CDH9: variants seen among roughly 807,000 people sequenced by gnomAD.
The protein encoded by CDH9 is cadherin 9, also known as cadherin-9.
In CDH9, 28 loss-of-function variants were observed where a neutral mutation model predicts 70.9. The observed-to-expected ratio is 0.40, with a 90% CI of 0.29 to 0.54. The LOEUF (loss-of-function observed/expected upper bound fraction) is 0.54. Among genes scored for constraint, CDH9 ranks in the 20% least tolerant of loss-of-function variants. The pLI is 0.59. For missense variants in CDH9, 874 were observed against 984.4 expected, an observed-to-expected ratio of 0.89 and a Z score of 1.50; for synonymous variants, 409 against 343.1, an observed-to-expected ratio of 1.19 and a Z score of -2.12.
chr5:26,905,896 T>G (rs991975251), intron 5 of CDH9, 63 bp downstream of exon 5: 1 of 1,239,982 alleles, frequency 8.1e-7, no homozygotes. Flanking sequence ...ATGTGAATAT[T>G]AAACTCGGCT....
intron 1 of CDH9, among the ~76,000 whole-genome samples, chr5:26,996,779 G>T (rs1742673805): frequency 6.6e-6 from 1 of 150,926 alleles, no homozygotes; most frequent in African/African-American, 2.4e-5. Context: ...TTTATATATA[G>T]ATATAGATAT....
chr5:26,944,003 CACA>C (rs1287945714), intron 2 of CDH9, among the ~76,000 whole-genome samples: 5 of 152,136 alleles, frequency 3.3e-5, no homozygotes, highest in African/African-American at 2.4e-5. Context: ...TATTCTAATT[CACA>C]ACAATTGCAT....
At chr5:26,890,393 G>A (rs1319543512) in intron 8 of CDH9, 35 bp downstream of exon 8, 1 of 1,592,198 alleles carries the variant, frequency 6.3e-7, no homozygotes, top group Non-Finnish European at 8.6e-7. Context: ...TTTGATGAAA[G>A]ACAGTGTCTT....
At position 26,885,786 on chromosome 5, in the gene CDH9, G is replaced by T. The variant is rs772941002; in HGVS notation, c.1710C>A (p.Ile570=). 7 of 1,613,802 alleles carry T rather than the reference G, an allele frequency of 4.3e-6. No individual in the cohort carries two copies. The highest frequency in any genetic ancestry group is 1.3e-5 in the African/African-American group (1 of 74,902). The change falls in exon 11 of 12, where the codon ATC becomes ATA. Residue 570 remains isoleucine (I), a synonymous_variant. Coordinates refer to ENST00000231021, the MANE Select transcript of CDH9 (RefSeq NM_016279.4). ...KMSTYLLPIL[I]FDNDYPIQSS... Reference sequence around the variant, plus strand: ...TTTGAATTGGATAATCGTTGTCAAAGATTAAAATCGGCAATAAGTAGGTGC... The same window carrying T: ...TTTGAATTGGATAATCGTTGTCAAATATTAAAATCGGCAATAAGTAGGTGC...
At chr5:27,035,936 T>C (rs553928922) in intron 1 of CDH9, among the ~76,000 whole-genome samples, 11 of 152,008 alleles carry the variant, frequency 7.2e-5, no homozygotes, top group African/African-American at 2.2e-4. Flanking sequence ...TTTACTTTCA[T>C]AGAGAACAAG....
rs151183666 is a variant in CDH9, at chr5:26,893,890, A to C, written c.1254-3326T>G. Among the ~76,000 whole-genome samples the C allele has an allele frequency of 4.2e-3, 646 of 152,194 alleles. 3 individuals carry two copies. The highest frequency in any genetic ancestry group is 0.015 in the African/African-American group (626 of 41,534). ...CATGAAACAAAATATTATGTTTCCT[A>C]CCTATAGGTTTCAACCCTTTCACAA... On this transcript the variant is annotated intron_variant, in intron 7 of 11. Transcript: ENST00000231021.
chr5:26,964,045 T>A (rs1319687520), intron 2 of CDH9, among the ~76,000 whole-genome samples: 1 of 152,042 alleles, frequency 6.6e-6, no homozygotes, highest in African/African-American at 2.4e-5. Flanking sequence ...GTGCTCATGT[T>A]AAATATAATA....
intron 7 of CDH9, among the ~76,000 whole-genome samples, chr5:26,893,794 A>G (rs1186357451): frequency 2.0e-5 from 3 of 152,102 alleles, no homozygotes; most frequent in Non-Finnish European, 2.9e-5. Context: ...GCAAAATAAC[A>G]ATGTAGTAAA....
intron 2 of CDH9, among the ~76,000 whole-genome samples, chr5:26,918,123 A>G (rs1383242695): frequency 1.3e-5 from 2 of 152,148 alleles, no homozygotes; most frequent in African/African-American, 2.4e-5. Context: ...CCCTCTTGCT[A>G]TACATTCTAT....
chr5:27,014,572 ACTAT>A (rs887861002), intron 1 of CDH9, among the ~76,000 whole-genome samples: 3 of 151,926 alleles, frequency 2.0e-5, no homozygotes, highest in Non-Finnish European at 2.9e-5. Context: ...CTTTCTAAAA[ACTAT>A]CTATGATAGA....
chr5:26,980,437 G>A (rs1347601609), intron 2 of CDH9, among the ~76,000 whole-genome samples: 1 of 151,704 alleles, frequency 6.6e-6, no homozygotes, highest in Non-Finnish European at 1.5e-5. Flanking sequence ...TCTATCTAAA[G>A]TGACCCCAAT....
At chr5:26,968,604 C>T (rs1003164811) in intron 2 of CDH9, among the ~76,000 whole-genome samples, 3 of 151,724 alleles carry the variant, frequency 2.0e-5, no homozygotes, top group Non-Finnish European at 2.9e-5. Context: ...AAATGGCAAG[C>T]CAAATGGGTG....
chr5:26,919,863 C>T (rs1341884792), intron 2 of CDH9, among the ~76,000 whole-genome samples: 1 of 152,038 alleles, frequency 6.6e-6, no homozygotes, highest in African/African-American at 2.4e-5. Context: ...TAAAGGAGCC[C>T]CTGGACCCTG....
intron 1 of CDH9, 105 bp downstream of exon 1, chr5:27,038,358 G>C (rs1272661277): frequency 4.0e-5 from 6 of 151,894 alleles, no homozygotes; most frequent in Non-Finnish European, 5.9e-5. Flanking sequence ...GAGAGAGAGA[G>C]AGCAAAATAT....
rs796103288 is a variant in CDH9, at chr5:27,025,768, C to T, written c.-50+12695G>A. On this transcript the variant is annotated intron_variant, in intron 1 of 11. Transcript: ENST00000231021. ...CTAGAACAACAGGTTCTTATTCTCT[C>T]GTGCCTCCATGAAGAATAGAACCTC... Among the ~76,000 whole-genome samples, 6 of 152,118 alleles carry T rather than the reference C, an allele frequency of 3.9e-5. 2 individuals are homozygous for T. The highest frequency in any genetic ancestry group is 1.4e-4 in the African/African-American group (6 of 41,544).
rs1434365999 is a variant in CDH9, at chr5:26,906,054, T to C, written c.716A>G (p.Lys239Arg). The C allele has an allele frequency of 1.2e-6, 2 of 1,613,616 alleles. No individual in the cohort carries two copies. The highest frequency in any genetic ancestry group is 1.7e-6 in the Non-Finnish European group (2 of 1,179,536). Residue 239 changes from lysine to arginine, a missense_variant, in exon 5 of 12, where the codon AAA becomes AGA. Lys to Arg is a conservative substitution (Grantham distance 26, BLOSUM62 2). Coordinates refer to ENST00000231021, the MANE Select transcript of CDH9 (RefSeq NM_016279.4). Reference sequence around the variant, plus strand: ...GCCTCCCATCTGGCCACCCATGTCTTTGGCCTGTATAACAACCTGGTACTG... The same window carrying C: ...GCCTCCCATCTGGCCACCCATGTCTCTGGCCTGTATAACAACCTGGTACTG... ...REQYQVVIQA[K>R]DMGGQMGGLS... is the part of the protein sequence containing the mutation.
In CDH9 at chr5:26,955,274, T is replaced by C. The variant is rs572312048; in HGVS notation, c.228+32832A>G. Reference sequence around the variant, plus strand: ...CAATCATGAGAATCCCTTATTTATGTCCTGGATAAATTTCCTACTGGTTCT... The same window carrying C: ...CAATCATGAGAATCCCTTATTTATGCCCTGGATAAATTTCCTACTGGTTCT... On this transcript the variant is annotated intron_variant, in intron 2 of 11. Coordinates refer to ENST00000231021, the MANE Select transcript of CDH9 (RefSeq NM_016279.4). Among the ~76,000 whole-genome samples, 3 of 152,354 alleles carry C rather than the reference T, an allele frequency of 2.0e-5. No individual in the cohort carries two copies. The East Asian group carries it at 5.8e-4, about 29-fold the overall frequency.
At chr5:26,923,148 A>C (rs1741276693) in intron 2 of CDH9, among the ~76,000 whole-genome samples, 1 of 151,378 alleles carries the variant, frequency 6.6e-6, no homozygotes, top group South Asian at 2.1e-4. Flanking sequence ...AAGACAAAGC[A>C]ATCTATTGTA....
chr5:26,994,067 T>C (rs1301143607), intron 1 of CDH9, among the ~76,000 whole-genome samples: 1 of 152,198 alleles, frequency 6.6e-6, no homozygotes, highest in Non-Finnish European at 1.5e-5. Flanking sequence ...AGAATAAGTA[T>C]GTTTATCTTA....
Sources: allele counts gnomAD v4.1 joint callset (sites outside exome capture counted in the v4.1 genomes callset), GRCh38; gene constraint gnomAD v4.1.1; transcripts MANE v1.5; gene names NCBI Gene and HGNC (gene_info 2026-07-23, HGNC 2026-07-21).